The following SHROOM3 variants were observed in gnomAD, a reference collection of about 807,000 sequenced individuals.
SHROOM3 encodes shroom family member 3.
In SHROOM3, 47 loss-of-function variants were observed where a neutral mutation model predicts 138.6. That is an observed-to-expected ratio of 0.34 (90% CI 0.27 to 0.43). The LOEUF (loss-of-function observed/expected upper bound fraction) is 0.43, where lower values mean the gene tolerates loss of function less well. Among genes scored for constraint, SHROOM3 ranks in the 20% least tolerant of loss-of-function variants. The probability of loss-of-function intolerance (pLI) is 1.00; values close to 1 mark genes in which losing one functional copy is unlikely to be tolerated. For synonymous variants in SHROOM3, 1,062 were observed against 1,063.3 expected, an observed-to-expected ratio of 1.00 and a Z score of 0.02; for missense variants, 2,491 against 2,596.5, an observed-to-expected ratio of 0.96 and a Z score of 0.88.
intron 1 of SHROOM3, among the ~76,000 whole-genome samples, chr4:76,477,113 G>A (rs949275141): frequency 6.6e-6 from 1 of 152,014 alleles, no homozygotes; most frequent in African/African-American, 2.4e-5. Flanking sequence ...GACTACAGGT[G>A]CCCACCACCA....
At chr4:76,571,466 C>T (rs949705556) in intron 2 of SHROOM3, among the ~76,000 whole-genome samples, 22 of 152,174 alleles carry the variant, frequency 1.4e-4, no homozygotes, top group African/African-American at 4.6e-4. Context: ...TGTTGATTCA[C>T]GTTCACTAAA....
chr4:76,527,884 GC>G (rs1732733040), intron 1 of SHROOM3, among the ~76,000 whole-genome samples: 1 of 152,166 alleles, frequency 6.6e-6, no homozygotes. Context: ...CTGGGGCTTG[GC>G]TTTCCTGAAC....
In SHROOM3 at chr4:76,759,567, A is replaced by G; in HGVS notation, c.5221A>G (p.Ser1741Gly). Residue 1741 changes from serine to glycine, a missense_variant, in exon 9 of 11, where the codon AGC (serine) becomes GGC (glycine). Physicochemically the swap from Ser to Gly is moderately conservative, Grantham distance 56. This residue lies in a region of SHROOM3 where 470 missense variants were observed against 595.0 expected (regional missense o/e 0.79). Transcript: ENST00000296043. ...CAGGAATGAAGACAAGGAAGCAGTG[A>G]GCATGTTGGTTAACTGCCCTGCCTA... ...GKRNEDKEAVSMLVNCPAYYS... is the reference protein window; with the variant it reads ...GKRNEDKEAVGMLVNCPAYYS... The G allele has an allele frequency of 6.2e-7, 1 of 1,614,152 alleles. No homozygotes were observed. The highest frequency in any genetic ancestry group is 1.3e-5 in the African/African-American group (1 of 75,060).
intron 2 of SHROOM3, among the ~76,000 whole-genome samples, chr4:76,681,006 T>G (rs1560589348): frequency 6.6e-6 from 1 of 152,180 alleles, no homozygotes; most frequent in African/African-American, 2.4e-5. Flanking sequence ...GTATAAAAGT[T>G]GTAGTGATTT....
At chr4:76,648,303 T>C (rs1210915533) in intron 2 of SHROOM3, among the ~76,000 whole-genome samples, 1 of 152,130 alleles carries the variant, frequency 6.6e-6, no homozygotes, top group Non-Finnish European at 1.5e-5. Context: ...ACTCTAGCCT[T>C]GGTGACAGAG....
intron 1 of SHROOM3, among the ~76,000 whole-genome samples, chr4:76,442,416 T>G (rs1411620814): frequency 6.8e-6 from 1 of 148,120 alleles, no homozygotes; most frequent in Non-Finnish European, 1.5e-5. Flanking sequence ...TTTTTTTTTT[T>G]TTTTTTTTTT....
intron 2 of SHROOM3, among the ~76,000 whole-genome samples, chr4:76,660,585 T>C (rs1383737777): frequency 6.6e-6 from 1 of 152,046 alleles, no homozygotes; most frequent in Admixed American, 6.6e-5. Context: ...AAATGATTCG[T>C]CTGCCTCAGC....
chr4:76,726,579 C>G (rs937111527), intron 3 of SHROOM3, among the ~76,000 whole-genome samples: 6 of 148,356 alleles, frequency 4.0e-5, no homozygotes, highest in Admixed American at 6.8e-5. Flanking sequence ...GAGACTGTCT[C>G]TCTGGAAGCT....
chr4:76,651,775 G>T (rs923597701), intron 2 of SHROOM3, among the ~76,000 whole-genome samples: 6 of 152,100 alleles, frequency 3.9e-5, no homozygotes, highest in African/African-American at 1.4e-4. Context: ...ACTCCCAAAA[G>T]ATATGTTTAA....
chr4:76,528,566 G>A (rs769701391), intron 1 of SHROOM3, among the ~76,000 whole-genome samples: 20 of 32,486 alleles, frequency 6.2e-4, no homozygotes, highest in African/African-American at 8.9e-4. Context: ...TTTTTTTGAG[G>A]CAGAGTTTTA....
chr4:76,625,526 C>A (rs1735115659), intron 2 of SHROOM3, among the ~76,000 whole-genome samples: 2 of 149,150 alleles, frequency 1.3e-5, no homozygotes, highest in Non-Finnish European at 1.5e-5. Context: ...TCTTTTCTTG[C>A]ATTACCTAAA....
chr4:76,587,040 T>G (rs566341930), intron 2 of SHROOM3: 1 of 152,332 alleles, frequency 6.6e-6, no homozygotes, highest in East Asian at 1.9e-4. Flanking sequence ...TCCTTTATGT[T>G]TCAGAGAAGG....
intron 1 of SHROOM3, among the ~76,000 whole-genome samples, chr4:76,522,950 A>G (rs770164948): frequency 1.3e-5 from 2 of 152,204 alleles, no homozygotes. Flanking sequence ...ATCTCACTAC[A>G]TATGGCTATA....
chr4:76,474,130 T>C (rs556074193), intron 1 of SHROOM3, among the ~76,000 whole-genome samples: 6 of 152,362 alleles, frequency 3.9e-5, no homozygotes, highest in African/African-American at 1.4e-4. Context: ...AAGTACTGAT[T>C]CATGCTACAG....
At chr4:76,472,430 G>A (rs926943611) in intron 1 of SHROOM3, among the ~76,000 whole-genome samples, 1 of 152,138 alleles carries the variant, frequency 6.6e-6, no homozygotes, top group Non-Finnish European at 1.5e-5. Context: ...GTCTTGTCAT[G>A]GAGAGGAGAG....
At chr4:76,723,667 G>A (rs917060827) in intron 3 of SHROOM3, among the ~76,000 whole-genome samples, 1 of 152,164 alleles carries the variant, frequency 6.6e-6, no homozygotes, top group African/African-American at 2.4e-5. Context: ...CACAGGCTCT[G>A]GAGAGAGATG....
In SHROOM3 at chr4:76,755,222, C is replaced by G. The variant is rs370572480; in HGVS notation, c.4709+30C>G. On this transcript the variant is annotated intron_variant, in intron 7 of 10. Coordinates refer to ENST00000296043, the MANE Select transcript of SHROOM3 (RefSeq NM_020859.4). ...GTGAGCAGACTGGGCAGCTTTCCCC[C>G]ACTAACAGGAGAGTGTCATGCCCCA... 32 of 1,607,520 alleles carry G rather than the reference C, an allele frequency of 2.0e-5. No homozygotes were observed. In the African/African-American group the frequency reaches 3.9e-4, roughly 19 times the overall value.
In SHROOM3 at chr4:76,740,978, C is replaced by T. The variant is rs1176584414; in HGVS notation, c.2805C>T (p.Val935=). The T allele has an allele frequency of 6.7e-7, 1 of 1,495,242 alleles. No homozygotes were observed. Among genetic ancestry groups the T allele is most frequent in the South Asian group, 1.4e-5 (1 of 71,552 alleles). The allele number at this position is 1,495,242 out of a possible 1,614,324, so 92.6% of individuals were successfully genotyped here. A position where few individuals can be genotyped will look rare whatever the true frequency, so the allele number is the denominator to read the frequency against. ...RNSIKDAQSR[V]LGATSFRRRD... is the part of the protein sequence containing the mutation. ...GCATCAAGGACGCACAGTCCCGTGTCTTGGGGGCCACCTCCTTTCGACGTC... is the reference window on the plus strand; with the variant it reads ...GCATCAAGGACGCACAGTCCCGTGTTTTGGGGGCCACCTCCTTTCGACGTC... The change falls in exon 5 of 11, where the codon GTC becomes GTT. Residue 935 remains valine, a synonymous_variant. Transcript: ENST00000296043. The surrounding 1 kb of genome is among the most constrained non-coding windows in gnomAD (Gnocchi z 4.0).
rs567690274 is a variant in SHROOM3 at position 76,569,773 on chromosome 4, G to A, written c.323+14010G>A. Among the ~76,000 whole-genome samples, 4 of 150,966 alleles carry A rather than the reference G, an allele frequency of 2.6e-5. No individual in the cohort carries two copies. In the South Asian group the frequency reaches 6.3e-4, roughly 24 times the overall value. On this transcript the variant is annotated intron_variant, in intron 2 of 10. Coordinates refer to ENST00000296043, the MANE Select transcript of SHROOM3 (RefSeq NM_020859.4). The stretch of plus-strand genomic sequence containing the variant: ...AACGGCTGTGGTGTCTATTTAACTC[G>A]CAAATCCTTTGTACCTCTTCCTACA...
Sources: allele counts gnomAD v4.1 joint callset (sites outside exome capture counted in the v4.1 genomes callset), GRCh38; gene constraint gnomAD v4.1.1; regional missense constraint gnomAD v4.1.1; non-coding constraint Gnocchi (gnomAD v3.1); transcripts MANE v1.5; gene names NCBI Gene and HGNC (gene_info 2026-07-23, HGNC 2026-07-21).